Variants in ATP2C1 observed in about 807,000 individuals in gnomAD.
ATP2C1 encodes the protein ATPase secretory pathway Ca2+ transporting 1.
ATP2C1 carries 31 observed loss-of-function variants against 120.5 expected under a neutral mutation model. That is an observed-to-expected ratio of 0.26 (90% CI 0.19 to 0.35). The LOEUF (loss-of-function observed/expected upper bound fraction) is 0.35, where lower values mean the gene tolerates loss of function less well. ATP2C1 is among the 10% of genes least tolerant of loss of function. The pLI is 1.00. For synonymous variants in ATP2C1, 351 were observed against 358.7 expected, an observed-to-expected ratio of 0.98 and a Z score of 0.24; for missense variants, 731 against 1,107.5, an observed-to-expected ratio of 0.66 and a Z score of 4.83.
chr3:130,854,814 A>C lies in ATP2C1; in HGVS notation c.108+3886A>C, dbSNP rs145075180. Among the ~76,000 whole-genome samples, 188 of 152,320 alleles carry C rather than the reference A, an allele frequency of 1.2e-3. 1 individual carries two copies. The highest frequency in any genetic ancestry group is 4.4e-3 in the African/African-American group (181 of 41,568). On this transcript the variant is annotated intron_variant, in intron 1 of 26. Transcript: ENST00000504381. ...TGAGTTCTTCTATTCCCATGGTTTC[A>C]AACACCTATTTGCTGAAAACTCCCA...
At chr3:130,978,346 C>T (rs1317446829) in intron 18 of ATP2C1, among the ~76,000 whole-genome samples, 1 of 152,014 alleles carries the variant, frequency 6.6e-6, no homozygotes, top group Admixed American at 6.6e-5. Flanking sequence ...TCTTTGGTCT[C>T]TCTGGGGCTT....
At chr3:130,943,662 C>T (rs1324946726) in intron 8 of ATP2C1, among the ~76,000 whole-genome samples, 2 of 152,270 alleles carry the variant, frequency 1.3e-5, no homozygotes, top group Middle Eastern at 3.4e-3. Context: ...TGATTTTGTT[C>T]TAGTTAATCC....
intron 2 of ATP2C1, among the ~76,000 whole-genome samples, chr3:130,923,285 G>T (rs1352025561): frequency 6.6e-6 from 1 of 151,448 alleles, no homozygotes; most frequent in Non-Finnish European, 1.5e-5. Context: ...GGAGTGTAGT[G>T]GTGCGACCTT....
chr3:130,920,573 G>A (rs2058907546), intron 2 of ATP2C1, among the ~76,000 whole-genome samples: 1 of 152,072 alleles, frequency 6.6e-6, no homozygotes, highest in Non-Finnish European at 1.5e-5. Flanking sequence ...TTAGATTATG[G>A]TAGCTTTGTA....
chr3:130,913,951 GC>G (rs2058564764), intron 2 of ATP2C1, among the ~76,000 whole-genome samples: 1 of 152,008 alleles, frequency 6.6e-6, no homozygotes, highest in Non-Finnish European at 1.5e-5. Flanking sequence ...TAAAAATAAT[GC>G]CCTCTTCAGA....
intron 2 of ATP2C1, among the ~76,000 whole-genome samples, chr3:130,913,402 C>G (rs187954328): frequency 6.6e-6 from 1 of 152,254 alleles, no homozygotes; most frequent in African/African-American, 2.4e-5. Flanking sequence ...AATAGAGCCT[C>G]GTGGCATACC....
chr3:130,994,085 T>A lies in ATP2C1; in HGVS notation c.2044T>A (p.Phe682Ile). 1 of 1,614,120 alleles carries A rather than the reference T, an allele frequency of 6.2e-7. No homozygotes were observed. The highest frequency in any genetic ancestry group is 8.5e-7 in the Non-Finnish European group (1 of 1,179,998). Residue 682 changes from phenylalanine to isoleucine, a missense_variant, in exon 22 of 28, where the codon TTT (phenylalanine) becomes ATT (isoleucine). Physicochemically the swap from Phe to Ile is conservative, Grantham distance 21. This residue lies in a region of ATP2C1 where 571 missense variants were observed against 845.9 expected (regional missense o/e 0.67). Coordinates refer to ENST00000510168, the MANE Select transcript of ATP2C1 (RefSeq NM_001378687.1). ...AGACATGATCCTAGTGGATGATGATTTTCAAACCATAATGTAAGCTTTGTT... is the reference window on the plus strand; with the variant it reads ...AGACATGATCCTAGTGGATGATGATATTCAAACCATAATGTAAGCTTTGTT... ...AADMILVDDD[F>I]QTIMSAIEEG...
rs533488937 is a variant in ATP2C1, at chr3:130,885,019, C to T, written c.108+34091C>T. 9.3e-5 allele frequency among the ~76,000 whole-genome samples: 14 copies of T among 150,762 alleles called. No individual in the cohort carries two copies. The South Asian group carries it at 1.3e-3, about 14-fold the overall frequency. On this transcript the variant is annotated intron_variant, in intron 1 of 26. Coordinates refer to the ATP2C1 transcript ENST00000504381. ...CGCGATTTTGGCTCATTGCAACCTC[C>T]GCCTCCTGGGTTCAAGCGATTCTCC...
intron 2 of ATP2C1, among the ~76,000 whole-genome samples, chr3:130,897,292 G>A (rs550382867): frequency 6.6e-6 from 1 of 152,300 alleles, no homozygotes; most frequent in South Asian, 2.1e-4. Context: ...AGTACAGAAA[G>A]AGACAGGTTT....
chr3:130,952,045 A>G (rs904514890), intron 8 of ATP2C1, among the ~76,000 whole-genome samples: 3 of 151,548 alleles, frequency 2.0e-5, no homozygotes, highest in Non-Finnish European at 2.9e-5. Flanking sequence ...CATGAAATCC[A>G]CTCTCCCTAA....
intron 2 of ATP2C1, among the ~76,000 whole-genome samples, chr3:130,921,241 C>A (rs1360651492): frequency 9.7e-6 from 1 of 103,294 alleles, no homozygotes; most frequent in Non-Finnish European, 2.3e-5. Flanking sequence ...GCCACCACAC[C>A]TGACTAACTT....
chr3:130,943,463 TGCCTCA>T (rs2060008347), intron 8 of ATP2C1, among the ~76,000 whole-genome samples: 1 of 152,132 alleles, frequency 6.6e-6, no homozygotes, highest in African/African-American at 2.4e-5. Context: ...GTGATCCACC[TGCCTCA>T]GCCTCCTAAA....
At chr3:130,971,173 C>A (rs1266293394) in intron 17 of ATP2C1, among the ~76,000 whole-genome samples, 1 of 152,072 alleles carries the variant, frequency 6.6e-6, no homozygotes, top group Non-Finnish European at 1.5e-5. Flanking sequence ...TTTTGTAAAC[C>A]ATCACACGGT....
At chr3:130,916,223 C>G (rs1465994528) in intron 2 of ATP2C1, among the ~76,000 whole-genome samples, 1 of 145,850 alleles carries the variant, frequency 6.9e-6, no homozygotes, top group East Asian at 2.0e-4. Flanking sequence ...CTGGGCAACA[C>G]GGTGAAACCC....
chr3:130,980,498 A>C, intron 19 of ATP2C1, 84 bp from the exon 20 acceptor site: 1 of 927,008 alleles, frequency 1.1e-6, no homozygotes, highest in South Asian at 1.3e-5. Flanking sequence ...CAGATAACAA[A>C]TCATACTAAA....
intron 2 of ATP2C1, 156 bp from the exon 3 acceptor site, chr3:130,930,260 A>G: frequency 1.5e-6 from 1 of 678,850 alleles, no homozygotes; most frequent in Non-Finnish European, 2.7e-6. Context: ...GTTAGTATAA[A>G]ATTGTCTTTC....
At position 130,999,523 on chromosome 3, in the gene ATP2C1, G is replaced by T. The variant is rs2108948617; in HGVS notation, c.2493G>T (p.Lys831Asn). 1.9e-6 allele frequency: 3 copies of T among 1,613,600 alleles called. No homozygotes were observed. The East Asian group carries it at 6.7e-5, about 36-fold the overall frequency. Residue 831 changes from lysine (K) to asparagine (N), a missense_variant, in exon 27 of 28, where the codon AAG (lysine) becomes AAT (asparagine). Physicochemically the swap from Lys to Asn is moderately conservative, Grantham distance 94. Around this residue, in one of 3 missense-constraint regions of ATP2C1, gnomAD observed 141 missense variants for 201.6 expected, o/e 0.70. Transcript: ENST00000510168. The part of the protein sequence containing the change: ...FNALSSRSQT[K>N]SVFEIGLCSN... ...ACTCTCTGCTCTGCCAACAGACCAA[G>T]TCTGTGTTTGAGATTGGACTCTGCA... is the stretch of plus-strand genomic sequence containing the variant.
chr3:130,894,065 A>G (rs918699481), upstream of ATP2C1: 4 of 984,332 alleles, frequency 4.1e-6, no homozygotes, highest in East Asian at 3.4e-4. This position sits in a 1 kb window ranked among gnomAD's most constrained non-coding sequence, Gnocchi z 4.5. Context: ...GGCGGAGCGC[A>G]GGAGTCGGAG....
chr3:130,975,094 G>A (rs912217965), intron 17 of ATP2C1, among the ~76,000 whole-genome samples: 1 of 152,032 alleles, frequency 6.6e-6, no homozygotes, highest in Admixed American at 6.6e-5. Context: ...CCAAATTTGG[G>A]GCTTAGTATA....
Sources: gnomAD v4.1 joint callset for allele counts (sites outside exome capture counted in the v4.1 genomes callset) on GRCh38, gnomAD v4.1.1 for gene constraint, gnomAD v4.1.1 regional missense constraint, Gnocchi (gnomAD v3.1) non-coding constraint, MANE v1.5 for transcripts, NCBI Gene and HGNC (gene_info 2026-07-23, HGNC 2026-07-21) for gene names.